DVL3: variants seen among roughly 807,000 people sequenced by gnomAD.
DVL3 encodes dishevelled segment polarity protein 3, also known as segment polarity protein dishevelled homolog DVL-3.
A neutral mutation model predicts 67.4 loss-of-function variants in DVL3; 27 were observed. The ratio of observed to expected loss-of-function variants is 0.40; its 90% CI spans 0.30 to 0.55. The LOEUF (loss-of-function observed/expected upper bound fraction) is 0.55, where lower values mean the gene tolerates loss of function less well. Among genes scored for constraint, DVL3 ranks in the 20% least tolerant of loss-of-function variants. The probability of loss-of-function intolerance (pLI) is 0.46; values close to 1 mark genes in which losing one functional copy is unlikely to be tolerated. For missense variants in DVL3, 819 were observed against 1,021.5 expected (o/e 0.80, Z 2.70); for synonymous variants, 369 against 396.8 (o/e 0.93, Z 0.83).
In DVL3 at chr3:184,165,087, G is replaced by T; in HGVS notation, c.600-26G>T. On this transcript the variant is annotated intron_variant, in intron 5 of 14. Coordinates refer to ENST00000313143, the MANE Select transcript of DVL3 (RefSeq NM_004423.4). This position sits in a 1 kb window ranked among gnomAD's most constrained non-coding sequence, Gnocchi z 4.1. ...ATGGGGGCAGGGCTGGGCCAGCCTG[G>T]TGGGGAACGACTGTGGGCCCCACAG... The T allele has an allele frequency of 6.2e-7, 1 of 1,613,808 alleles. No homozygotes were observed. The highest frequency in any genetic ancestry group is 2.2e-5 in the East Asian group (1 of 44,874).
At position 184,167,818 on chromosome 3, in the gene DVL3, C is replaced by A; in HGVS notation, c.1331-80C>A. On this transcript the variant is annotated intron_variant, in intron 12 of 14. Coordinates refer to ENST00000313143, the MANE Select transcript of DVL3 (RefSeq NM_004423.4). The surrounding 1 kb of genome is among the most constrained non-coding windows in gnomAD (Gnocchi z 4.6). The stretch of plus-strand genomic sequence containing the variant: ...GACCCTTCCTTTGATCTGGAGCCAG[C>A]CCCAGCCTCATAGCTTCTGTGAGGC... 6.2e-7 allele frequency: 1 copy of A among 1,606,066 alleles called. No homozygotes were observed.
At chr3:184,161,428 A>G in intron 1 of DVL3, among the ~76,000 whole-genome samples, 1 of 150,360 alleles carries the variant, frequency 6.7e-6, no homozygotes, top group East Asian at 1.9e-4. Context: ...CTCCGTCTCA[A>G]AAAAAAAAAA....
chr3:184,170,468 A>T lies in DVL3; in HGVS notation c.1864A>T (p.Ser622Cys). 1 of 1,587,394 alleles carries T rather than the reference A, an allele frequency of 6.3e-7. No homozygotes were observed. Among genetic ancestry groups the T allele is most frequent in the South Asian group, 1.1e-5 (1 of 88,360 alleles). ...GCGGGGGCCGCGGGAGCGGGCGCCCAGCGAGCGCTCAGGGCCGGCGGCCAG... is the reference window on the plus strand; with the variant it reads ...GCGGGGGCCGCGGGAGCGGGCGCCCTGCGAGCGCTCAGGGCCGGCGGCCAG... The part of the protein sequence containing the change: ...SLRGPRERAP[S>C]ERSGPAASEH... Residue 622 changes from serine to cysteine, a missense_variant, in exon 15 of 15, where the codon AGC becomes TGC. Physicochemically the swap from Ser to Cys is moderately radical, Grantham distance 112. Transcript: ENST00000313143. This position sits in a 1 kb window ranked among gnomAD's most constrained non-coding sequence, Gnocchi z 6.5.
At chr3:184,156,664 A>C (rs1714201330) in intron 1 of DVL3, 1 of 350,094 alleles carries the variant, frequency 2.9e-6, no homozygotes, top group Admixed American at 3.8e-5. Flanking sequence ...AGGGGATGGA[A>C]TGTTGGAGCC....
rs1464196968 is a variant in DVL3 at position 184,167,223 on chromosome 3, T to C, written c.1198+248T>C. Among the ~76,000 whole-genome samples the C allele has an allele frequency of 6.6e-6, 1 of 152,196 alleles. No homozygotes were observed. The highest frequency in any genetic ancestry group is 2.4e-5 in the African/African-American group (1 of 41,456). On this transcript the variant is annotated intron_variant, in intron 11 of 14. Coordinates refer to ENST00000313143, the MANE Select transcript of DVL3 (RefSeq NM_004423.4). This position sits in a 1 kb window ranked among gnomAD's most constrained non-coding sequence, Gnocchi z 4.6. ...TCCTCTTACAAAATGGGACTCACGA[T>C]ATAAACTTTACCAGGTTCCTGTGGG...
At position 184,173,221 on chromosome 3, in the gene DVL3, C is replaced by CA. The variant is rs1457862555; in HGVS notation, c.*2467dup. Reference sequence around the variant, plus strand: ...TCCTGAATTCCTCTCCTGGTTACTTCATCACAATCTACATAGGCTCACCAG... The same window carrying CA: ...TCCTGAATTCCTCTCCTGGTTACTTCAATCACAATCTACATAGGCTCACCAG... On this transcript the variant is annotated 3_prime_UTR_variant, in exon 15 of 15. Transcript: ENST00000313143. The CA allele has an allele frequency of 6.6e-6, 1 of 152,298 alleles. No individual in the cohort carries two copies. Among genetic ancestry groups the CA allele is most frequent in the African/African-American group, 2.4e-5 (1 of 41,450 alleles). 9.4% of individuals were successfully genotyped at this position (152,298 alleles called of 1,614,324 possible). A position where few individuals can be genotyped will look rare whatever the true frequency, so the allele number is the denominator to read the frequency against.
In DVL3 at chr3:184,167,876, C is replaced by CA. The variant is rs1320543795; in HGVS notation, c.1331-20dup. The CA allele has an allele frequency of 6.2e-7, 1 of 1,614,092 alleles. No individual in the cohort carries two copies. Among genetic ancestry groups the CA allele is most frequent in the African/African-American group, 1.3e-5 (1 of 74,942 alleles). On this transcript the variant is annotated intron_variant, in intron 12 of 14. Transcript: ENST00000313143. The surrounding 1 kb of genome is among the most constrained non-coding windows in gnomAD (Gnocchi z 4.6). ...GTCCAAGTCAGATGGGCCTCCCCAT[C>CA]AACTGGCAGCCTTGTCCCCAGGCTC...
rs1193921065 is a variant in DVL3, at chr3:184,172,625, T to G, written c.*1870T>G. Reference sequence around the variant, plus strand: ...GGCACCTGCCTGTAATCTCAGCTACTCAGGAGGCTGAGGCACAAGAATCGC... The same window carrying G: ...GGCACCTGCCTGTAATCTCAGCTACGCAGGAGGCTGAGGCACAAGAATCGC... On this transcript the variant is annotated 3_prime_UTR_variant, in exon 15 of 15. Coordinates refer to ENST00000313143, the MANE Select transcript of DVL3 (RefSeq NM_004423.4). 2 of 152,166 alleles carry G rather than the reference T, an allele frequency of 1.3e-5. No homozygotes were observed. The highest frequency in any genetic ancestry group is 2.4e-5 in the African/African-American group (1 of 41,418). The allele number at this position is 152,166 out of a possible 1,614,324, so 9.4% of individuals were successfully genotyped here. A position where few individuals can be genotyped will look rare whatever the true frequency, so the allele number is the denominator to read the frequency against.
intron 1 of DVL3, among the ~76,000 whole-genome samples, chr3:184,158,565 T>C (rs760945856): frequency 9.9e-5 from 15 of 151,988 alleles, no homozygotes; most frequent in Non-Finnish European, 2.1e-4. Context: ...AAGGCCACCA[T>C]TTCTCCGAGC....
chr3:184,163,533 T>G lies in DVL3; in HGVS notation c.162-124T>G. ...GGTCTCCCCAACCTCTGCTTTCATT[T>G]GAACAGTCTTGTGCTGGTGGTTTGA... On this transcript the variant is annotated intron_variant, in intron 1 of 14. Transcript: ENST00000313143. This position sits in a 1 kb window ranked among gnomAD's most constrained non-coding sequence, Gnocchi z 4.5. 8.9e-6 allele frequency: 8 copies of G among 898,888 alleles called. No homozygotes were observed. The South Asian group carries it at 9.2e-5, about 10-fold the overall frequency. 55.7% of individuals were successfully genotyped at this position (898,888 alleles called of 1,614,324 possible).
chr3:184,155,690 G>T lies in DVL3; in HGVS notation c.55G>T (p.Val19Leu). 1 of 1,612,766 alleles carries T rather than the reference G, an allele frequency of 6.2e-7. No homozygotes were observed. Among genetic ancestry groups the T allele is most frequent in the Non-Finnish European group, 8.5e-7 (1 of 1,179,728 alleles). Residue 19 changes from valine to leucine, a missense_variant, in exon 1 of 15, where the codon GTG becomes TTG. This residue lies in a region of DVL3 where 385 missense variants were observed against 486.8 expected (regional missense o/e 0.79). Transcript: ENST00000313143. This position sits in a 1 kb window ranked among gnomAD's most constrained non-coding sequence, Gnocchi z 5.4. ...HLDGQETPYLVKLPLPAERVT... is the reference protein window; with the variant it reads ...HLDGQETPYLLKLPLPAERVT... Reference sequence around the variant, plus strand: ...GGATGGGCAGGAGACGCCGTACCTTGTGAAGCTGCCCCTGCCCGCCGAGCG... The same window carrying T: ...GGATGGGCAGGAGACGCCGTACCTTTTGAAGCTGCCCCTGCCCGCCGAGCG...
In DVL3 at chr3:184,164,818, G is replaced by T. The variant is rs368781028; in HGVS notation, c.486G>T (p.Ala162=). ...PEHATRLNGT[A]KGERRREPGG... ...CAGCAACCCGGCTAAATGGAACTGC[G>T]AAGGGGGAACGGCGGCGAGAACCAG... Residue 162 remains alanine (A), a synonymous_variant, in exon 5 of 15, where the codon GCG becomes GCT. Transcript: ENST00000313143. This position sits in a 1 kb window ranked among gnomAD's most constrained non-coding sequence, Gnocchi z 5.3. 1 of 1,614,194 alleles carries T rather than the reference G, an allele frequency of 6.2e-7. No individual in the cohort carries two copies.
At position 184,170,234 on chromosome 3, in the gene DVL3, G is replaced by A. The variant is rs962249751; in HGVS notation, c.1714+13G>A. 8 of 1,611,660 alleles carry A rather than the reference G, an allele frequency of 5.0e-6. No individual in the cohort carries two copies. The highest frequency in any genetic ancestry group is 1.7e-4 in the Middle Eastern group (1 of 6,052). ...CAGCACAGCGAAGGTAAGGTAGAGG[G>A]GCCGTGGAGGAAGGCTATAGGTGGG... On this transcript the variant is annotated intron_variant, in intron 14 of 14. Coordinates refer to ENST00000313143, the MANE Select transcript of DVL3 (RefSeq NM_004423.4). This position sits in a 1 kb window ranked among gnomAD's most constrained non-coding sequence, Gnocchi z 6.5.
In DVL3 at chr3:184,165,396, C is replaced by G; in HGVS notation, c.694-26C>G. The G allele has an allele frequency of 6.2e-7, 1 of 1,612,358 alleles. No homozygotes were observed. The highest frequency in any genetic ancestry group is 8.5e-7 in the Non-Finnish European group (1 of 1,178,636). ...AGTGAATTCCTGCCACCTCCACCTG[C>G]TGCTCAGGGCCTCTGTCTATTCCAG... On this transcript the variant is annotated intron_variant, in intron 6 of 14. Transcript: ENST00000313143. The surrounding 1 kb of genome is among the most constrained non-coding windows in gnomAD (Gnocchi z 4.1).
intron 13 of DVL3, 84 bp downstream of exon 13, chr3:184,168,149 A>G (rs1714666272): frequency 6.6e-7 from 1 of 1,504,912 alleles, no homozygotes; most frequent in Non-Finnish European, 9.1e-7. Flanking sequence ...ACTCTGGGGA[A>G]CCCAAACTGG....
intron 1 of DVL3, among the ~76,000 whole-genome samples, chr3:184,158,356 A>G (rs1262505933): frequency 3.3e-5 from 5 of 151,980 alleles, no homozygotes; most frequent in African/African-American, 1.2e-4. Context: ...AAAGGAAACT[A>G]GAGCACAGAA....
rs2109024819 is a variant in DVL3, at chr3:184,171,773, G to A, written c.*1018G>A. On this transcript the variant is annotated 3_prime_UTR_variant, in exon 15 of 15. Coordinates refer to ENST00000313143, the MANE Select transcript of DVL3 (RefSeq NM_004423.4). The stretch of plus-strand genomic sequence containing the variant: ...GCATGAGAGACTCTCCTCCTTTCCA[G>A]AGAGAATCGGATCGCACCACGTGTG... The A allele has an allele frequency of 4.6e-6, 1 of 216,892 alleles. No individual in the cohort carries two copies. The highest frequency in any genetic ancestry group is 1.0e-3 in the Middle Eastern group (1 of 964). 13.4% of individuals were successfully genotyped at this position (216,892 alleles called of 1,614,324 possible).
chr3:184,168,847 G>T (rs1714693573), intron 13 of DVL3, among the ~76,000 whole-genome samples: 1 of 152,186 alleles, frequency 6.6e-6, no homozygotes, highest in Non-Finnish European at 1.5e-5. Context: ...TCCAACATTG[G>T]TGGGAGTAGC....
chr3:184,165,232 G>A lies in DVL3; in HGVS notation c.693+26G>A, dbSNP rs1183236535. The A allele has an allele frequency of 3.2e-6, 5 of 1,569,128 alleles. No homozygotes were observed. The highest frequency in any genetic ancestry group is 4.3e-6 in the Non-Finnish European group (5 of 1,155,956). On this transcript the variant is annotated intron_variant, in intron 6 of 14. Transcript: ENST00000313143. This position sits in a 1 kb window ranked among gnomAD's most constrained non-coding sequence, Gnocchi z 4.1. Reference sequence around the variant, plus strand: ...GTATGGGGTCTGGGAGGCTAGGGATGGGTGGAGGCAGATTGTGAGCCCTTC... The same window carrying A: ...GTATGGGGTCTGGGAGGCTAGGGATAGGTGGAGGCAGATTGTGAGCCCTTC...
Sources: allele counts gnomAD v4.1 joint callset (sites outside exome capture counted in the v4.1 genomes callset), GRCh38; gene constraint gnomAD v4.1.1; regional missense constraint gnomAD v4.1.1; non-coding constraint Gnocchi (gnomAD v3.1); transcripts MANE v1.5; gene names NCBI Gene and HGNC (gene_info 2026-07-23, HGNC 2026-07-21).